Variants in TMEM163 observed in about 807,000 individuals in gnomAD.
TMEM163 encodes transmembrane protein 163.
Under a neutral mutation model 29.3 loss-of-function variants are expected in TMEM163, and 17 were observed. That is an observed-to-expected ratio of 0.58 (90% CI 0.40 to 0.87). The LOEUF (loss-of-function observed/expected upper bound fraction) is 0.87, where lower values mean the gene tolerates loss of function less well. Among genes scored for constraint, TMEM163 ranks in the 40% least tolerant of loss-of-function variants. The pLI, the probability that TMEM163 is intolerant of heterozygous loss-of-function variation, is 0.00. For synonymous variants in TMEM163, 157 were observed against 160.6 expected, an observed-to-expected ratio of 0.98 and a Z score of 0.17; for missense variants, 303 against 381.5, an observed-to-expected ratio of 0.79 and a Z score of 1.71.
intron 4 of TMEM163, among the ~76,000 whole-genome samples, chr2:134,542,075 T>C (rs975355902): frequency 6.6e-6 from 1 of 152,248 alleles, no homozygotes; most frequent in African/African-American, 2.4e-5. Context: ...CTAAATATGC[T>C]GAAGTGTATG....
intron 5 of TMEM163, among the ~76,000 whole-genome samples, chr2:134,484,100 C>G (rs1332218028): frequency 6.6e-6 from 1 of 152,112 alleles, no homozygotes; most frequent in Non-Finnish European, 1.5e-5. Flanking sequence ...GAGATCAAGC[C>G]ACTGCACTCC....
intron 4 of TMEM163, among the ~76,000 whole-genome samples, chr2:134,536,864 C>T (rs1319522203): frequency 6.6e-6 from 1 of 152,160 alleles, no homozygotes; most frequent in Non-Finnish European, 1.5e-5. Flanking sequence ...CTAGGGCCTA[C>T]AGGCACTTAG....
intron 2 of TMEM163, among the ~76,000 whole-genome samples, chr2:134,653,846 G>C (rs1247303142): frequency 8.0e-6 from 1 of 124,856 alleles, no homozygotes; most frequent in Non-Finnish European, 1.6e-5. Context: ...TTTCCATGTA[G>C]TTGAGCAGCT....
At chr2:134,551,255 C>T (rs1431130575) in intron 3 of TMEM163, among the ~76,000 whole-genome samples, 1 of 151,206 alleles carries the variant, frequency 6.6e-6, no homozygotes, top group Non-Finnish European at 1.5e-5. Flanking sequence ...TGTGTGTGTA[C>T]GTGTGTATAT....
At chr2:134,698,082 C>A (rs1684619497) in intron 2 of TMEM163, among the ~76,000 whole-genome samples, 3 of 152,164 alleles carry the variant, frequency 2.0e-5, no homozygotes. Flanking sequence ...CATTTTGAGC[C>A]AGATAATTCT....
intron 2 of TMEM163, among the ~76,000 whole-genome samples, chr2:134,660,583 G>C (rs1458652821): frequency 6.6e-6 from 1 of 152,160 alleles, no homozygotes; most frequent in Non-Finnish European, 1.5e-5. Context: ...ATGCTTTAAG[G>C]TGTCCCCCTG....
At chr2:134,480,420 T>C (rs1166537100) in intron 5 of TMEM163, among the ~76,000 whole-genome samples, 2 of 152,210 alleles carry the variant, frequency 1.3e-5, no homozygotes, top group Admixed American at 6.5e-5. Context: ...TCTTCTTTTT[T>C]TTAATAGCAC....
At chr2:134,539,769 C>T (rs1372126016) in intron 4 of TMEM163, among the ~76,000 whole-genome samples, 1 of 152,162 alleles carries the variant, frequency 6.6e-6, no homozygotes, top group East Asian at 1.9e-4. Context: ...TGAGAAAAAA[C>T]ATGCCATGCT....
chr2:134,583,776 A>G (rs926012522), intron 2 of TMEM163, among the ~76,000 whole-genome samples: 2 of 151,734 alleles, frequency 1.3e-5, no homozygotes, highest in Non-Finnish European at 1.5e-5. Flanking sequence ...CCTGCCCCCT[A>G]TGAGATGCCC....
At chr2:134,564,318 C>T (rs1681245624) in intron 2 of TMEM163, among the ~76,000 whole-genome samples, 1 of 152,124 alleles carries the variant, frequency 6.6e-6, no homozygotes, top group South Asian at 2.1e-4. Context: ...GGTACTGGGC[C>T]AGTTGGACAT....
chr2:134,619,026 A>T (rs911135133), intron 2 of TMEM163, among the ~76,000 whole-genome samples: 2 of 152,222 alleles, frequency 1.3e-5, no homozygotes, highest in African/African-American at 4.8e-5. Context: ...AAAATCAATA[A>T]ACCTAAGAGT....
chr2:134,669,028 C>T (rs1174385622), intron 2 of TMEM163, among the ~76,000 whole-genome samples: 1 of 152,134 alleles, frequency 6.6e-6, no homozygotes, highest in African/African-American at 2.4e-5. Context: ...AGCCAGGGCG[C>T]CCCGTGGCCA....
chr2:134,592,899 C>G (rs1249124803), intron 2 of TMEM163, among the ~76,000 whole-genome samples: 1 of 45,184 alleles, frequency 2.2e-5, no homozygotes, highest in Non-Finnish European at 5.7e-5. Context: ...TAGACCAACC[C>G]TATATCCTTG....
chr2:134,659,747 C>T (rs1332993486), intron 2 of TMEM163, among the ~76,000 whole-genome samples: 1 of 152,146 alleles, frequency 6.6e-6, no homozygotes, highest in African/African-American at 2.4e-5. Context: ...TGAGACCAGC[C>T]TGGGCAACAA....
Position 134,652,062 on chromosome 2 carries a change from T to A in TMEM163, c.322+61138A>T, listed in dbSNP as rs1328411240. On this transcript the variant is annotated intron_variant, in intron 2 of 7. Transcript: ENST00000281924. ...TGGTTCCATATGAACTTTAGAGTAG[T>A]TTTTTCCAATTCTGTGAGGAAAGTC... 1.4e-5 allele frequency among the ~76,000 whole-genome samples: 2 copies of A among 140,920 alleles called. 1 individual carries two copies. The highest frequency in any genetic ancestry group is 5.9e-5 in the African/African-American group (2 of 33,704). 92.4% of individuals were successfully genotyped at this position (140,920 alleles called of 152,430 possible).
intron 2 of TMEM163, among the ~76,000 whole-genome samples, chr2:134,673,982 T>A (rs1422567896): frequency 6.6e-6 from 1 of 152,214 alleles, no homozygotes; most frequent in African/African-American, 2.4e-5. Flanking sequence ...ATTCCATAAC[T>A]GTTTAGAATT....
intron 2 of TMEM163, among the ~76,000 whole-genome samples, chr2:134,668,635 A>AAAAAG (rs1380497961): frequency 2.0e-5 from 3 of 152,090 alleles, no homozygotes; most frequent in South Asian, 2.1e-4. Flanking sequence ...CAAAAAAAAA[A>AAAAAG]AAAAGAAAAG....
chr2:134,635,750 G>A (rs116366792), intron 2 of TMEM163, among the ~76,000 whole-genome samples: 1,818 of 152,228 alleles, frequency 0.012, 45 homozygotes, highest in African/African-American at 0.04. Context: ...TTGTAGCCAG[G>A]AGCAAGGAAA....
chr2:134,605,780 A>C (rs1682342498), intron 2 of TMEM163, among the ~76,000 whole-genome samples: 1 of 152,166 alleles, frequency 6.6e-6, no homozygotes, highest in South Asian at 2.1e-4. Context: ...ACACTGATTG[A>C]GTCTGAGAAA....
Sources: allele counts gnomAD v4.1 joint callset (sites outside exome capture counted in the v4.1 genomes callset), GRCh38; gene constraint gnomAD v4.1.1; transcripts MANE v1.5; gene names NCBI Gene and HGNC (gene_info 2026-07-23, HGNC 2026-07-21).